Variants in PMP22 observed in about 807,000 individuals in gnomAD.
The protein encoded by PMP22 is Charcot-Marie-Tooth neuropathy 1A (greatly reduced nerve conduction velocity, hereditary motor sensory neuropathy Ia).
In PMP22, 2 loss-of-function variants were observed where a neutral mutation model predicts 18.9. That is an observed-to-expected ratio of 0.11 (90% CI 0.04 to 0.33). The LOEUF (loss-of-function observed/expected upper bound fraction) is 0.33. PMP22 is among the 10% of genes least tolerant of loss of function. The pLI, the probability that PMP22 is intolerant of heterozygous loss-of-function variation, is 1.00. For missense variants in PMP22, 169 were observed against 202.2 expected, an observed-to-expected ratio of 0.84 and a Z score of 1.00; for synonymous variants, 95 against 89.2, an observed-to-expected ratio of 1.07 and a Z score of -0.37.
At chr17:15,253,752 G>A (rs1908572382) in intron 3 of PMP22, among the ~76,000 whole-genome samples, 1 of 152,064 alleles carries the variant, frequency 6.6e-6, no homozygotes, top group Non-Finnish European at 1.5e-5. Flanking sequence ...CGGTCCTTCT[G>A]TATGGAACCT....
intron 4 of PMP22, among the ~76,000 whole-genome samples, chr17:15,232,174 GGC>G (rs143327426): frequency 0.021 from 3,187 of 152,096 alleles, 94 homozygotes; most frequent in African/African-American, 0.069. Context: ...CTGCTATTTG[GGC>G]TGCTGTTTTA....
chr17:15,262,931 C>A (rs1225691502), intron 1 of PMP22, among the ~76,000 whole-genome samples: 1 of 151,990 alleles, frequency 6.6e-6, no homozygotes, highest in Non-Finnish European at 1.5e-5. Flanking sequence ...CGACGCCGAC[C>A]GCGCCCGCGC....
At chr17:15,243,546 G>A (rs59365068) in intron 3 of PMP22, among the ~76,000 whole-genome samples, 1 of 151,352 alleles carries the variant, frequency 6.6e-6, no homozygotes, top group African/African-American at 2.4e-5. Flanking sequence ...TAAAACCAAT[G>A]AGTCAAGATA....
At position 15,247,148 on chromosome 17, in the gene PMP22, T is replaced by A. The variant is rs536007995; in HGVS notation, c.179-7537A>T. Among the ~76,000 whole-genome samples the A allele has an allele frequency of 3.3e-4, 45 of 138,330 alleles. No individual in the cohort carries two copies. The Middle Eastern group carries it at 0.017, about 51-fold the overall frequency. 90.7% of individuals were successfully genotyped at this position (138,330 alleles called of 152,430 possible). ...ACTTTGGGAGGCCAAGGCGGGTGGA[T>A]CACGAGGTCAGGAGATTGAGACCAT... On this transcript the variant is annotated intron_variant, in intron 3 of 4. Coordinates refer to ENST00000312280, the MANE Select transcript of PMP22 (RefSeq NM_000304.4).
Position 15,230,835 on chromosome 17 carries a change from CTT to C in PMP22, c.*80_*81del. ...TTGAGTTTGGGATTTTGGGCTAGCT[CTT>C]TTTTCTTTGTCTGCTTTCTGTTTTC... On this transcript the variant is annotated 3_prime_UTR_variant, in exon 5 of 5. Coordinates refer to ENST00000312280, the MANE Select transcript of PMP22 (RefSeq NM_000304.4). The C allele has an allele frequency of 6.6e-7, 1 of 1,525,730 alleles. No individual in the cohort carries two copies. The highest frequency in any genetic ancestry group is 1.1e-5 in the South Asian group (1 of 88,908). The allele number at this position is 1,525,730 out of a possible 1,614,324, so 94.5% of individuals were successfully genotyped here. A position where few individuals can be genotyped will look rare whatever the true frequency, so the allele number is the denominator to read the frequency against.
chr17:15,256,017 C>T (rs1317149982), intron 3 of PMP22, among the ~76,000 whole-genome samples: 2 of 152,160 alleles, frequency 1.3e-5, no homozygotes, highest in Admixed American at 6.5e-5. Context: ...AATATCATAA[C>T]GAATATCCCC....
intron 3 of PMP22, among the ~76,000 whole-genome samples, chr17:15,248,195 T>C (rs1477091940): frequency 5.3e-5 from 8 of 152,182 alleles, no homozygotes; most frequent in Non-Finnish European, 1.2e-4. Context: ...TCAGGCTAAC[T>C]TTGCCTATGA....
intron 4 of PMP22, among the ~76,000 whole-genome samples, chr17:15,232,987 T>C (rs866964554): frequency 6.6e-6 from 1 of 152,226 alleles, no homozygotes; most frequent in African/African-American, 2.4e-5. Flanking sequence ...ACACACTTTA[T>C]ATGATTGTTG....
chr17:15,260,405 T>C (rs1909211940), intron 2 of PMP22: 7 of 575,352 alleles, frequency 1.2e-5, no homozygotes, highest in Admixed American at 8.7e-5. Context: ...GGCTCTGAAG[T>C]TACTTGGCTT....
intron 4 of PMP22, among the ~76,000 whole-genome samples, chr17:15,238,070 TCTTCA>T (rs1906965157): frequency 6.6e-6 from 1 of 152,044 alleles, no homozygotes; most frequent in African/African-American, 2.4e-5. Context: ...TAAGGGTAAC[TCTTCA>T]CTTTAACGTA....
At chr17:15,260,884 G>T in intron 1 of PMP22, 123 bp from the exon 2 acceptor site, 1 of 664,204 alleles carries the variant, frequency 1.5e-6, no homozygotes, top group Non-Finnish European at 2.6e-6. Flanking sequence ...CAGCCCGACC[G>T]CCCGCGCGGG....
intron 2 of PMP22, chr17:15,260,448 C>T (rs908355202): frequency 1.7e-5 from 11 of 636,158 alleles, no homozygotes; most frequent in Non-Finnish European, 2.9e-5. Flanking sequence ...CCCAGCCCAG[C>T]GCTCGCTTGG....
intron 3 of PMP22, among the ~76,000 whole-genome samples, chr17:15,255,617 T>A (rs1908752365): frequency 6.6e-6 from 1 of 152,196 alleles, no homozygotes; most frequent in South Asian, 2.1e-4. Context: ...GCCCCTATCA[T>A]TTGAAGATGT....
chr17:15,231,132 C>G (rs759953352), intron 4 of PMP22, 52 bp from the exon 5 acceptor site: 3 of 1,576,388 alleles, frequency 1.9e-6, no homozygotes, highest in Non-Finnish European at 2.6e-6. Flanking sequence ...GGCAGAGCGG[C>G]CCCCTCTCCG....
Position 15,258,898 on chromosome 17 carries a change from G to T in PMP22, c.178+196C>A. ...TCTAGGTAGAGTGAATCACAATGATGCCCAGGATCTCAGCTTCCCCAGCGA... is the reference window on the plus strand; with the variant it reads ...TCTAGGTAGAGTGAATCACAATGATTCCCAGGATCTCAGCTTCCCCAGCGA... On this transcript the variant is annotated intron_variant, in intron 3 of 4. Coordinates refer to ENST00000312280, the MANE Select transcript of PMP22 (RefSeq NM_000304.4). This position sits in a 1 kb window ranked among gnomAD's most constrained non-coding sequence, Gnocchi z 4.1. 1.5e-6 allele frequency: 1 copy of T among 650,160 alleles called. No individual in the cohort carries two copies. The highest frequency in any genetic ancestry group is 1.8e-5 in the African/African-American group (1 of 56,212). 40.3% of individuals were successfully genotyped at this position (650,160 alleles called of 1,614,324 possible). A position where few individuals can be genotyped will look rare whatever the true frequency, so the allele number is the denominator to read the frequency against.
intron 3 of PMP22, among the ~76,000 whole-genome samples, chr17:15,253,626 C>A (rs560786596): frequency 6.6e-6 from 1 of 152,108 alleles, no homozygotes; most frequent in East Asian, 1.9e-4. Context: ...TGGGGGGTAC[C>A]TTTGAGATGG....
chr17:15,253,028 CAA>C (rs1908497691), intron 3 of PMP22, among the ~76,000 whole-genome samples: 1 of 152,214 alleles, frequency 6.6e-6, no homozygotes, highest in South Asian at 2.1e-4. Context: ...GACTTCAAAA[CAA>C]AAAGCACTGG....
rs1380064254 is a variant in PMP22 at position 15,229,856 on chromosome 17, A to G, written c.*1061T>C. ...AAATCAGAAAATGCAAAGCAAAAAC[A>G]AAAGGTCTGGAGTCTTAGCATCAGA... is the stretch of plus-strand genomic sequence containing the variant. On this transcript the variant is annotated 3_prime_UTR_variant, in exon 5 of 5. Transcript: ENST00000312280. The G allele has an allele frequency of 1.3e-5, 2 of 152,792 alleles. No individual in the cohort carries two copies. Among genetic ancestry groups the G allele is most frequent in the East Asian group, 3.9e-4 (2 of 5,188 alleles). 9.5% of individuals were successfully genotyped at this position (152,792 alleles called of 1,614,324 possible).
chr17:15,259,928 G>A (rs1172896158), intron 2 of PMP22, among the ~76,000 whole-genome samples: 35 of 125,556 alleles, frequency 2.8e-4, no homozygotes, highest in African/African-American at 1.1e-3. Flanking sequence ...ACAGGCTGGA[G>A]ACTCCATCTC....
Sources: gnomAD v4.1 joint callset for allele counts (sites outside exome capture counted in the v4.1 genomes callset) on GRCh38, gnomAD v4.1.1 for gene constraint, Gnocchi (gnomAD v3.1) non-coding constraint, MANE v1.5 for transcripts, NCBI Gene and HGNC (gene_info 2026-07-23, HGNC 2026-07-21) for gene names.